Variants in NALCN observed in about 807,000 individuals in gnomAD.
NALCN encodes the protein sodium leak channel NALCN.
In NALCN, 111 loss-of-function variants were observed where a neutral mutation model predicts 225.3. The ratio of observed to expected loss-of-function variants is 0.49; its 90% CI spans 0.42 to 0.58. NALCN has a LOEUF of 0.58. Among genes scored for constraint, NALCN ranks in the 20% least tolerant of loss-of-function variants. NALCN has a pLI of 0.00. For missense variants in NALCN, 1,378 were observed against 2,202.4 expected, an observed-to-expected ratio of 0.63 and a Z score of 7.49; for synonymous variants, 764 against 769.0, an observed-to-expected ratio of 0.99 and a Z score of 0.11.
chr13:101,150,376 A>T lies in NALCN; in HGVS notation c.1840-5480T>A, dbSNP rs1211117619. Among the ~76,000 whole-genome samples the T allele has an allele frequency of 5.9e-5, 9 of 152,198 alleles. 1 individual carries two copies. The highest frequency in any genetic ancestry group is 2.2e-4 in the African/African-American group (9 of 41,448). On this transcript the variant is annotated intron_variant, in intron 15 of 43. Transcript: ENST00000251127. ...ATACCTCTTTCTATATGTATATTAG[A>T]GTTCAGTTAAAAGTTTTTCAAAAGG...
chr13:101,140,865 A>G (rs1007572219), intron 17 of NALCN, among the ~76,000 whole-genome samples: 2 of 152,214 alleles, frequency 1.3e-5, no homozygotes, highest in Admixed American at 1.3e-4. Context: ...TCAAGGCTAT[A>G]GTGCACTATG....
intron 17 of NALCN, 109 bp from the exon 18 acceptor site, chr13:101,124,790 G>A (rs1273549689): frequency 1.1e-5 from 10 of 923,656 alleles, no homozygotes; most frequent in Middle Eastern, 2.4e-4. Flanking sequence ...AATATGTTTC[G>A]CTAAAGCATC....
At chr13:101,074,034 T>G (rs1245268288) in intron 36 of NALCN, among the ~76,000 whole-genome samples, 2 of 152,048 alleles carry the variant, frequency 1.3e-5, no homozygotes, top group South Asian at 4.1e-4. Context: ...CTTTGTTGTA[T>G]CAGGACTTGA....
intron 13 of NALCN, among the ~76,000 whole-genome samples, chr13:101,195,162 T>C (rs1026196821): frequency 2.0e-5 from 3 of 152,188 alleles, no homozygotes; most frequent in African/African-American, 7.2e-5. Flanking sequence ...ACCTCAGTAA[T>C]GCACAGGAGT....
At position 101,355,267 on chromosome 13, in the gene NALCN, T is replaced by G. The variant is rs374918345; in HGVS notation, c.645-9847A>C. On this transcript the variant is annotated intron_variant, in intron 6 of 43. Transcript: ENST00000251127. Reference sequence around the variant, plus strand: ...CCCAGTCTCCAACTTGGATAAAGAGTTAAGATCCATTGGTATGCTGTATTC... The same window carrying G: ...CCCAGTCTCCAACTTGGATAAAGAGGTAAGATCCATTGGTATGCTGTATTC... Among the ~76,000 whole-genome samples the G allele has an allele frequency of 3.4e-4, 51 of 151,764 alleles. No homozygotes were observed. In the South Asian group the frequency reaches 5.4e-3, roughly 16 times the overall value.
intron 11 of NALCN, among the ~76,000 whole-genome samples, chr13:101,252,513 T>G (rs1276953946): frequency 6.6e-6 from 1 of 152,078 alleles, no homozygotes; most frequent in Non-Finnish European, 1.5e-5. Flanking sequence ...TTGCTGTGCA[T>G]GAGTAGCAGG....
intron 1 of NALCN, among the ~76,000 whole-genome samples, chr13:101,409,524 T>C (rs2047718692): frequency 6.6e-6 from 1 of 152,160 alleles, no homozygotes; most frequent in Non-Finnish European, 1.5e-5. Flanking sequence ...CTATATTAAT[T>C]ATCCAGTGTT....
intron 6 of NALCN, among the ~76,000 whole-genome samples, chr13:101,376,167 A>G (rs1471776159): frequency 6.6e-6 from 1 of 152,108 alleles, no homozygotes; most frequent in East Asian, 1.9e-4. Context: ...TTTTTCCCGA[A>G]CATGTAACTC....
At chr13:101,201,311 G>A in intron 13 of NALCN, among the ~76,000 whole-genome samples, 1 of 152,114 alleles carries the variant, frequency 6.6e-6, no homozygotes, top group East Asian at 1.9e-4. Flanking sequence ...ATCCCCAAAA[G>A]AAGCTACATA....
intron 3 of NALCN, 30 bp from the exon 4 acceptor site, chr13:101,378,683 GGCAAA>G (rs776219137): frequency 6.5e-7 from 1 of 1,548,070 alleles, no homozygotes; most frequent in Non-Finnish European, 8.8e-7. Context: ...GGCATTATTA[GGCAAA>G]GCAAATATTT....
intron 10 of NALCN, among the ~76,000 whole-genome samples, chr13:101,276,246 A>G (rs1013046436): frequency 1.3e-5 from 2 of 152,040 alleles, no homozygotes; most frequent in Non-Finnish European, 2.9e-5. Context: ...GTGAGGATAA[A>G]TTTATTAGGA....
chr13:101,411,014 G>A (rs1483296738), intron 1 of NALCN, among the ~76,000 whole-genome samples: 2 of 151,992 alleles, frequency 1.3e-5, no homozygotes, highest in African/African-American at 2.4e-5. Context: ...AATTTCTCCA[G>A]TGCATTTCTT....
At chr13:101,058,658 CTT>C (rs11353820) in intron 42 of NALCN, 10,500 of 138,736 alleles carry the variant, frequency 0.076, 379 homozygotes, top group Middle Eastern at 0.11. Flanking sequence ...CTTTAGTATC[CTT>C]TTTTTTTTTT....
intron 22 of NALCN, among the ~76,000 whole-genome samples, chr13:101,105,634 T>TG (rs2035055249): frequency 6.6e-6 from 1 of 151,852 alleles, no homozygotes; most frequent in African/African-American, 2.4e-5. Flanking sequence ...TAATTCAAGA[T>TG]AAAAAAAACG....
chr13:101,311,962 A>T (rs1180155112), intron 7 of NALCN, among the ~76,000 whole-genome samples: 1 of 152,104 alleles, frequency 6.6e-6, no homozygotes, highest in East Asian at 1.9e-4. Context: ...TACCTCTGGT[A>T]GAATTCGGCT....
chr13:101,401,345 T>G (rs1463310454), intron 1 of NALCN, among the ~76,000 whole-genome samples: 1 of 152,166 alleles, frequency 6.6e-6, no homozygotes, highest in East Asian at 1.9e-4. Context: ...TGGCCTCAAT[T>G]TGAGATGCCT....
chr13:101,298,611 A>G (rs1487587420), intron 7 of NALCN, among the ~76,000 whole-genome samples: 1 of 152,180 alleles, frequency 6.6e-6, no homozygotes, highest in Non-Finnish European at 1.5e-5. Flanking sequence ...ATAGGGCAAT[A>G]TTCTTATTAA....
chr13:101,206,967 C>T (rs1009489396), intron 13 of NALCN, among the ~76,000 whole-genome samples: 7 of 152,048 alleles, frequency 4.6e-5, no homozygotes, highest in African/African-American at 1.7e-4. Flanking sequence ...TGATAAACCA[C>T]TATATTTCAA....
intron 17 of NALCN, among the ~76,000 whole-genome samples, chr13:101,126,863 G>A (rs902604213): frequency 6.6e-6 from 1 of 152,162 alleles, no homozygotes; most frequent in African/African-American, 2.4e-5. Context: ...GCTGCTTGGA[G>A]CCGCTTTTGG....
Sources: allele counts gnomAD v4.1 joint callset (sites outside exome capture counted in the v4.1 genomes callset), GRCh38; gene constraint gnomAD v4.1.1; transcripts MANE v1.5; gene names NCBI Gene and HGNC (gene_info 2026-07-23, HGNC 2026-07-21).